INPP4B: variants seen among roughly 807,000 people sequenced by gnomAD.
The protein encoded by INPP4B is inositol polyphosphate-4-phosphatase type II B, also known as inositol polyphosphate 4-phosphatase type II.
In INPP4B, 55 loss-of-function variants were observed where a neutral mutation model predicts 122.5. The ratio of observed to expected loss-of-function variants is 0.45; its 90% CI spans 0.36 to 0.56. The LOEUF is 0.56. Ranked by LOEUF, INPP4B falls within the 20% of genes least tolerant of loss-of-function variation. The pLI, the probability that INPP4B is intolerant of heterozygous loss-of-function variation, is 0.00. For missense variants in INPP4B, 1,000 were observed against 1,097.7 expected (o/e 0.91, Z 1.26); for synonymous variants, 403 against 388.7 (o/e 1.04, Z -0.43).
rs550709266 is a variant in INPP4B, at chr4:142,417,251, C to T, written c.136+11922G>A. The stretch of plus-strand genomic sequence containing the variant: ...AAATTAAATTAAAAAGAACCTCTTC[C>T]GGGATGCACTGTAGCCTAGGCAAGA... On this transcript the variant is annotated intron_variant, in intron 5 of 25. Transcript: ENST00000262992. Among the ~76,000 whole-genome samples the T allele has an allele frequency of 3.3e-4, 50 of 152,180 alleles. 1 individual carries two copies. In the South Asian group the frequency reaches 5.8e-3, roughly 18 times the overall value.
At chr4:142,212,584 T>A (rs1051445642) in intron 12 of INPP4B, among the ~76,000 whole-genome samples, 2 of 152,182 alleles carry the variant, frequency 1.3e-5, no homozygotes, top group Admixed American at 6.5e-5. Flanking sequence ...TGAGCATGGA[T>A]ATCTCACACC....
chr4:142,571,900 C>G (rs1303747920), intron 2 of INPP4B, among the ~76,000 whole-genome samples: 1 of 152,006 alleles, frequency 6.6e-6, no homozygotes, highest in Non-Finnish European at 1.5e-5. Flanking sequence ...AGAAAGCACT[C>G]AGTAAATATT....
At chr4:142,199,289 G>T (rs1385792303) in intron 14 of INPP4B, among the ~76,000 whole-genome samples, 1 of 151,754 alleles carries the variant, frequency 6.6e-6, no homozygotes, top group Non-Finnish European at 1.5e-5. Flanking sequence ...TCTTAACTGA[G>T]GAATAAAATA....
intron 11 of INPP4B, among the ~76,000 whole-genome samples, chr4:142,251,456 C>A (rs955182824): frequency 6.6e-6 from 1 of 151,964 alleles, no homozygotes; most frequent in Admixed American, 6.6e-5. Flanking sequence ...TGAGGAGGAC[C>A]CTTTGATAAT....
At chr4:142,093,818 T>C (rs954936973) in intron 23 of INPP4B, among the ~76,000 whole-genome samples, 2 of 152,162 alleles carry the variant, frequency 1.3e-5, no homozygotes, top group South Asian at 2.1e-4. Context: ...CTGGTCTGCG[T>C]TGAATATTTT....
At chr4:142,721,650 G>A (rs1159781009) in intron 2 of INPP4B, among the ~76,000 whole-genome samples, 1 of 152,018 alleles carries the variant, frequency 6.6e-6, no homozygotes, top group Non-Finnish European at 1.5e-5. Context: ...GTGAAACCCC[G>A]TCTCTACTAA....
At chr4:142,474,471 GACCACAGGGTGAGTA>G (rs1044576402) in intron 2 of INPP4B, 1 of 151,622 alleles carries the variant, frequency 6.6e-6, no homozygotes, top group South Asian at 2.1e-4. Flanking sequence ...CAGGGTAGGT[GACCACAGGGTGAGTA>G]ACCACAGGGT....
At chr4:142,489,046 T>A (rs1026770798) in intron 2 of INPP4B, among the ~76,000 whole-genome samples, 6 of 152,188 alleles carry the variant, frequency 3.9e-5, no homozygotes, top group African/African-American at 7.2e-5. Context: ...AATTTTAATA[T>A]CTATGTGTTA....
chr4:142,086,055 G>A (rs1044003743), intron 24 of INPP4B, 89 bp downstream of exon 24: 2 of 840,916 alleles, frequency 2.4e-6, no homozygotes, highest in Non-Finnish European at 2.0e-6. Flanking sequence ...AACCCAAAGT[G>A]CAGAGGTTGG....
chr4:142,042,532 A>G (rs779437289), intron 25 of INPP4B, among the ~76,000 whole-genome samples: 114 of 21,570 alleles, frequency 5.3e-3, no homozygotes, highest in Admixed American at 8.1e-3. Flanking sequence ...GTATGTATGT[A>G]TGTATGTATG....
chr4:142,174,645 GAC>G (rs1320679034), intron 15 of INPP4B, among the ~76,000 whole-genome samples: 1 of 151,150 alleles, frequency 6.6e-6, no homozygotes, highest in African/African-American at 2.4e-5. Context: ...TTTTTTAAGA[GAC>G]AGGATCTCAC....
chr4:142,373,491 G>A (rs182107654), intron 7 of INPP4B, among the ~76,000 whole-genome samples: 1 of 152,104 alleles, frequency 6.6e-6, no homozygotes, highest in Non-Finnish European at 1.5e-5. Flanking sequence ...AGACTCCGAA[G>A]CTAAATGGCC....
At chr4:142,447,662 G>A (rs555893356) in intron 3 of INPP4B, among the ~76,000 whole-genome samples, 12 of 152,278 alleles carry the variant, frequency 7.9e-5, no homozygotes, top group African/African-American at 1.2e-4. Flanking sequence ...GAAAGACTGC[G>A]TGCCTAGTAG....
At chr4:142,395,841 A>T (rs1195607416) in intron 7 of INPP4B, among the ~76,000 whole-genome samples, 1 of 152,168 alleles carries the variant, frequency 6.6e-6, no homozygotes, top group Non-Finnish European at 1.5e-5. Flanking sequence ...GGAAGTATCT[A>T]AAATTGTCAA....
intron 3 of INPP4B, among the ~76,000 whole-genome samples, chr4:142,443,660 G>T (rs761607434): frequency 6.6e-6 from 1 of 152,056 alleles, no homozygotes; most frequent in African/African-American, 2.4e-5. Flanking sequence ...GTGACAGAAG[G>T]CTACCTCCCA....
At chr4:142,181,878 A>C (rs1830937756) in intron 15 of INPP4B, among the ~76,000 whole-genome samples, 1 of 152,194 alleles carries the variant, frequency 6.6e-6, no homozygotes, top group South Asian at 2.1e-4. Flanking sequence ...ATTGACTCTG[A>C]GTGCAAATCA....
At chr4:142,470,739 G>A (rs1365042860) in intron 2 of INPP4B, among the ~76,000 whole-genome samples, 4 of 152,146 alleles carry the variant, frequency 2.6e-5, no homozygotes, top group Non-Finnish European at 5.9e-5. Context: ...AAATAAGTGT[G>A]ACATTGGCTT....
Position 142,165,316 on chromosome 4 carries a change from C to T in INPP4B, c.1360-4755G>A, listed in dbSNP as rs144455731. Among the ~76,000 whole-genome samples, 67 of 151,820 alleles carry T rather than the reference C, an allele frequency of 4.4e-4. 1 individual carries two copies. Among genetic ancestry groups the T allele is most frequent in the Non-Finnish European group, 6.9e-4 (47 of 67,790 alleles). ...CTGGATTAGTCAGCAATTTATTCTA[C>T]TTATACCTTTACAATAATTTCAAAA... On this transcript the variant is annotated intron_variant, in intron 16 of 25. Coordinates refer to ENST00000262992, the MANE Select transcript of INPP4B (RefSeq NM_001101669.3).
At chr4:142,255,174 AG>A in intron 11 of INPP4B, among the ~76,000 whole-genome samples, 1 of 152,128 alleles carries the variant, frequency 6.6e-6, no homozygotes, top group South Asian at 2.1e-4. Context: ...TGTCACCACC[AG>A]GCCTGCCCTA....
Sources: allele counts gnomAD v4.1 joint callset (sites outside exome capture counted in the v4.1 genomes callset), GRCh38; gene constraint gnomAD v4.1.1; transcripts MANE v1.5; gene names NCBI Gene and HGNC (gene_info 2026-07-23, HGNC 2026-07-21).